RASA4B: variants seen among roughly 807,000 people sequenced by gnomAD.
The protein encoded by RASA4B is ras GTPase-activating protein 4B.
In RASA4B, 2 loss-of-function variants were observed where a neutral mutation model predicts 24.2. That is an observed-to-expected ratio of 0.08 (90% CI 0.03 to 0.26). The LOEUF (loss-of-function observed/expected upper bound fraction) is 0.26. Ranked by LOEUF, RASA4B falls within the 10% of genes least tolerant of loss-of-function variation. The probability of loss-of-function intolerance (pLI) is 1.00; values close to 1 mark genes in which losing one functional copy is unlikely to be tolerated. For synonymous variants in RASA4B, 2 were observed against 125.6 expected (o/e 0.02, Z 6.58); for missense variants, 8 against 277.2 (o/e 0.03, Z 6.90).
In RASA4B at chr7:102,491,808, G is replaced by A. The variant is rs1586765045; in HGVS notation, c.1831-685C>T. Among the ~76,000 whole-genome samples the A allele has an allele frequency of 3.0e-5, 3 of 98,976 alleles. No homozygotes were observed. The South Asian group carries it at 1.4e-3, about 45-fold the overall frequency. The allele number at this position is 98,976 out of a possible 152,430, so 64.9% of individuals were successfully genotyped here. A position where few individuals can be genotyped will look rare whatever the true frequency, so the allele number is the denominator to read the frequency against. ...AAAAATGGGACCAGAATTAAATAAT[G>A]CCCATGTAGTCAAATCTTTCAACCC... On this transcript the variant is annotated intron_variant, in intron 16 of 20. Coordinates refer to ENST00000465829, the MANE Select transcript of RASA4B (RefSeq NM_001367767.2).
At chr7:102,498,181 G>T (rs1799228037) in intron 8 of RASA4B, among the ~76,000 whole-genome samples, 2 of 141,176 alleles carry the variant, frequency 1.4e-5, no homozygotes, top group Non-Finnish European at 3.1e-5. Flanking sequence ...TTACAGGCAT[G>T]CGCCACCATA....
At chr7:102,512,869 T>G (rs1475864876) in intron 1 of RASA4B, among the ~76,000 whole-genome samples, 98 of 84,978 alleles carry the variant, frequency 1.2e-3, no homozygotes, top group Admixed American at 1.8e-3. Context: ...AGGGAGGGGG[T>G]GAGAGGGAGG....
At chr7:102,489,649 CA>C in intron 17 of RASA4B, among the ~76,000 whole-genome samples, 1 of 149,794 alleles carries the variant, frequency 6.7e-6, no homozygotes, top group Admixed American at 6.8e-5. Flanking sequence ...CCCACCACCA[CA>C]CCCGGCTACT....
In RASA4B at chr7:102,481,214, C is replaced by CTTTTTT. The variant is rs538913748; in HGVS notation, c.*2372_*2377dup. Among the ~76,000 whole-genome samples the CTTTTTT allele has an allele frequency of 3.1e-5, 2 of 64,822 alleles. No homozygotes were observed. Among genetic ancestry groups the CTTTTTT allele is most frequent in the African/African-American group, 4.9e-5 (1 of 20,234 alleles). The allele number at this position is 64,822 out of a possible 152,430, so 42.5% of individuals were successfully genotyped here. ...AAATTTCAAGTCTCCTTTATTTTCCCTTTTTTTTTTTTTTTTTTTTAATTT... is the reference window on the plus strand; with the variant it reads ...AAATTTCAAGTCTCCTTTATTTTCCCTTTTTTTTTTTTTTTTTTTTTTTTTTAATTT... On this transcript the variant is annotated 3_prime_UTR_variant, in exon 21 of 21. Transcript: ENST00000465829.
chr7:102,512,892 G>A, intron 1 of RASA4B, among the ~76,000 whole-genome samples: 1 of 148,674 alleles, frequency 6.7e-6, no homozygotes, highest in African/African-American at 2.5e-5. Flanking sequence ...TGGAGAGGGA[G>A]AGGGGAAAGA....
At chr7:102,503,852 A>C in intron 5 of RASA4B, among the ~76,000 whole-genome samples, 1 of 76,336 alleles carries the variant, frequency 1.3e-5, no homozygotes, top group African/African-American at 3.9e-5. Flanking sequence ...CCCAGGCTGG[A>C]GTGTAATGGT....
At chr7:102,506,254 C>CTTTTTTA (rs1799499833) in intron 5 of RASA4B, among the ~76,000 whole-genome samples, 1 of 152,118 alleles carries the variant, frequency 6.6e-6, no homozygotes, top group South Asian at 2.1e-4. Flanking sequence ...TTTTTTCTTT[C>CTTTTTTA]TTTTTTATTT....
At chr7:102,491,473 A>T (rs1282512468) in intron 16 of RASA4B, among the ~76,000 whole-genome samples, 1 of 49,748 alleles carries the variant, frequency 2.0e-5, no homozygotes, top group African/African-American at 3.2e-5. Context: ...CCAGGCTCTA[A>T]TAGTCATATC....
At chr7:102,499,184 CAAAA>C (rs1185378975) in intron 8 of RASA4B, among the ~76,000 whole-genome samples, 1,254 of 88,152 alleles carry the variant, frequency 0.014, 6 homozygotes, top group African/African-American at 0.04. Flanking sequence ...AGATTCTGCT[CAAAA>C]AAAAAATATA....
rs772277888 is a variant in RASA4B at position 102,499,193 on chromosome 7, AATAT to A, written c.737+1502_737+1505del. ...AGAGTGAGATTCTGCTCAAAAAAAA[AATAT>A]ATATATATATATATTCACTTTTATC... On this transcript the variant is annotated intron_variant, in intron 8 of 20. Coordinates refer to ENST00000465829, the MANE Select transcript of RASA4B (RefSeq NM_001367767.2). Among the ~76,000 whole-genome samples, 759 of 99,640 alleles carry A rather than the reference AATAT, an allele frequency of 7.6e-3. 1 individual carries two copies. The highest frequency in any genetic ancestry group is 0.025 in the Middle Eastern group (4 of 162). The allele number at this position is 99,640 out of a possible 152,430, so 65.4% of individuals were successfully genotyped here. A position where few individuals can be genotyped will look rare whatever the true frequency, so the allele number is the denominator to read the frequency against.
At position 102,480,180 on chromosome 7, in the gene RASA4B, A is replaced by G. The variant is rs1313034853; in HGVS notation, c.*3412T>C. On this transcript the variant is annotated 3_prime_UTR_variant, in exon 21 of 21. Transcript: ENST00000465829. Reference sequence around the variant, plus strand: ...CGGTAACGCCAGCATCTGGGAAGACACCTGTTGCCAAGCCCACCGTGGTCT... The same window carrying G: ...CGGTAACGCCAGCATCTGGGAAGACGCCTGTTGCCAAGCCCACCGTGGTCT... Among the ~76,000 whole-genome samples the G allele has an allele frequency of 6.6e-6, 1 of 152,066 alleles. No individual in the cohort carries two copies. The highest frequency in any genetic ancestry group is 1.5e-5 in the Non-Finnish European group (1 of 68,002).
chr7:102,498,243 G>A (rs1799232232), intron 8 of RASA4B, among the ~76,000 whole-genome samples: 3 of 149,788 alleles, frequency 2.0e-5, no homozygotes, highest in African/African-American at 7.3e-5. Flanking sequence ...AATAGTGCAT[G>A]GTCATTCTTC....
intron 1 of RASA4B, among the ~76,000 whole-genome samples, chr7:102,512,467 G>A (rs1799713540): frequency 1.8e-4 from 1 of 5,556 alleles, no homozygotes; most frequent in South Asian, 2.8e-3. Context: ...AGGGAAGGGG[G>A]ATGATAGGGA....
chr7:102,507,189 C>T (rs1454068360), intron 4 of RASA4B, among the ~76,000 whole-genome samples: 202 of 28,588 alleles, frequency 7.1e-3, no homozygotes, highest in African/African-American at 0.013. Context: ...ACTCAGATCG[C>T]GCCATTGCAC....
chr7:102,484,720 C>G (rs1423117435), intron 19 of RASA4B, among the ~76,000 whole-genome samples: 1 of 147,820 alleles, frequency 6.8e-6, no homozygotes, highest in African/African-American at 2.4e-5. Context: ...AAGCTTCTGC[C>G]AAGGCTGAGA....
chr7:102,488,881 T>C (rs1164048998), intron 17 of RASA4B, among the ~76,000 whole-genome samples: 1 of 152,308 alleles, frequency 6.6e-6, no homozygotes, highest in African/African-American at 2.4e-5. Context: ...AGATGGGGTC[T>C]TGCTACATTG....
rs1355957510 is a variant in RASA4B, at chr7:102,480,199, G to A, written c.*3393C>T. On this transcript the variant is annotated 3_prime_UTR_variant, in exon 21 of 21. Transcript: ENST00000465829. ...GAAGACACCTGTTGCCAAGCCCACCGTGGTCTAGCTGTAGCGTTAGTGTCA... is the reference window on the plus strand; with the variant it reads ...GAAGACACCTGTTGCCAAGCCCACCATGGTCTAGCTGTAGCGTTAGTGTCA... Among the ~76,000 whole-genome samples, 2 of 152,152 alleles carry A rather than the reference G, an allele frequency of 1.3e-5. No individual in the cohort carries two copies. The highest frequency in any genetic ancestry group is 3.9e-4 in the East Asian group (2 of 5,192).
intron 18 of RASA4B, among the ~76,000 whole-genome samples, chr7:102,487,483 T>C (rs1310771798): frequency 4.8e-5 from 1 of 20,834 alleles, no homozygotes; most frequent in African/African-American, 8.6e-5. Flanking sequence ...ATGGCCAGCA[T>C]TGGAGTGTGC....
At chr7:102,505,798 T>TGACTCA in intron 5 of RASA4B, among the ~76,000 whole-genome samples, 1 of 88,808 alleles carries the variant, frequency 1.1e-5, no homozygotes, top group South Asian at 4.5e-4. Context: ...GGACAGAGTG[T>TGACTCA]GACTCAGACC....
Sources: gnomAD v4.1 joint callset for allele counts (sites outside exome capture counted in the v4.1 genomes callset) on GRCh38, gnomAD v4.1.1 for gene constraint, MANE v1.5 for transcripts, NCBI Gene and HGNC (gene_info 2026-07-23, HGNC 2026-07-21) for gene names.